Variants in DYSF observed in about 807,000 individuals in gnomAD.
DYSF encodes the protein dystrophy-associated fer-1-like 1.
A neutral mutation model predicts 274.9 loss-of-function variants in DYSF; 212 were observed. The observed-to-expected ratio is 0.77, with a 90% CI of 0.69 to 0.86. The LOEUF is 0.86. Ranked by LOEUF, DYSF falls within the 40% of genes least tolerant of loss-of-function variation. The probability of loss-of-function intolerance (pLI) is 0.00; values close to 1 mark genes in which losing one functional copy is unlikely to be tolerated. For synonymous variants in DYSF, 1,091 were observed against 1,078.7 expected (o/e 1.01, Z -0.22); for missense variants, 2,666 against 2,783.2 (o/e 0.96, Z 0.95).
At chr2:71,473,554 C>T (rs937485133) in intron 1 of DYSF, among the ~76,000 whole-genome samples, 1 of 152,080 alleles carries the variant, frequency 6.6e-6, no homozygotes, top group East Asian at 1.9e-4. Context: ...TCTGAGACAC[C>T]GCAACTCCTC....
chr2:71,517,092 G>A, intron 10 of DYSF, 53 bp downstream of exon 10: 1 of 1,561,110 alleles, frequency 6.4e-7, no homozygotes, highest in Non-Finnish European at 8.8e-7. Flanking sequence ...CCGTGTTGGT[G>A]GAGCCTCTGT....
rs150877497 is a variant in DYSF at position 71,570,680 on chromosome 2, G to A, written c.3167G>A (p.Arg1056Gln). Residue 1056 changes from arginine (R) to glutamine (Q), a missense_variant, in exon 29 of 56, where the codon CGA becomes CAA. By Grantham distance (43) the Arg-to-Gln change is conservative. Coordinates refer to ENST00000410020, the MANE Select transcript of DYSF (RefSeq NM_001130987.2). Reference protein sequence around the residue: ...VPAEKMYYTHRRRRWVRLRRR... With the variant: ...VPAEKMYYTHQRRRWVRLRRR... The stretch of plus-strand genomic sequence containing the variant: ...GCTGAGAAGATGTACTACACACACC[G>A]ACGGCGGCGCTGGGTGCGCCTGCGC... 58 of 1,613,972 alleles carry A rather than the reference G, an allele frequency of 3.6e-5. No individual in the cohort carries two copies. Among genetic ancestry groups the A allele is most frequent in the Non-Finnish European group, 4.3e-5 (51 of 1,179,986 alleles).
At position 71,604,395 on chromosome 2, in the gene DYSF, C is replaced by T. The variant is rs72902652; in HGVS notation, c.3957+1590C>T. On this transcript the variant is annotated intron_variant, in intron 36 of 55. Coordinates refer to ENST00000410020, the MANE Select transcript of DYSF (RefSeq NM_001130987.2). Reference sequence around the variant, plus strand: ...TTCTGTCTTCTTTGCTGTGACCAAGCTCCTGCCTTGTATCTCCCATCTGGC... The same window carrying T: ...TTCTGTCTTCTTTGCTGTGACCAAGTTCCTGCCTTGTATCTCCCATCTGGC... Among the ~76,000 whole-genome samples, 924 of 152,316 alleles carry T rather than the reference C, an allele frequency of 6.1e-3. 16 individuals carry two copies. Among genetic ancestry groups the T allele is most frequent in the African/African-American group, 0.022 (894 of 41,566 alleles).
At chr2:71,571,643 G>C (rs111162094) in intron 29 of DYSF, among the ~76,000 whole-genome samples, 4,905 of 84,184 alleles carry the variant, frequency 0.058, 344 homozygotes, top group Middle Eastern at 0.15. Context: ...AGCACATGCA[G>C]AGATCACACA....
chr2:71,573,946 C>A (rs781556050), intron 29 of DYSF, among the ~76,000 whole-genome samples: 9 of 152,146 alleles, frequency 5.9e-5, no homozygotes, highest in Admixed American at 2.6e-4. Flanking sequence ...CCTCAGCCTC[C>A]CTGGTAGCTG....
intron 22 of DYSF, among the ~76,000 whole-genome samples, chr2:71,559,777 T>TG (rs1178848556): frequency 2.6e-5 from 4 of 152,284 alleles, no homozygotes; most frequent in South Asian, 4.1e-4. Flanking sequence ...GCTGCTCAGG[T>TG]GGGGATCTGT....
At position 71,665,852 on chromosome 2, in the gene DYSF, G is replaced by A. The variant is rs76850178; in HGVS notation, c.5317+548G>A. Among the ~76,000 whole-genome samples the A allele has an allele frequency of 2.2e-4, 34 of 152,162 alleles. No individual in the cohort carries two copies. The East Asian group carries it at 5.0e-3, about 23-fold the overall frequency. ...CCCAGCTCTCCTGGCTGAGAATCCC[G>A]CCACATGCTCTCCGTGTGTCTGAGA... On this transcript the variant is annotated intron_variant, in intron 47 of 55. Transcript: ENST00000410020.
chr2:71,568,596 C>G (rs930111642), intron 26 of DYSF, among the ~76,000 whole-genome samples: 1 of 150,946 alleles, frequency 6.6e-6, no homozygotes, highest in Non-Finnish European at 1.5e-5. Context: ...GAGTCTCACT[C>G]TGTTTGGAGG....
chr2:71,665,369 C>T (rs1558772761), intron 47 of DYSF, 65 bp downstream of exon 47: 2 of 1,605,738 alleles, frequency 1.2e-6, no homozygotes, highest in Non-Finnish European at 8.5e-7. Flanking sequence ...TCTCATCAGA[C>T]CCTCTGCTAC....
rs574883167 is a variant in DYSF at position 71,613,445 on chromosome 2, C to T, written c.4464+35C>T. 3.9e-6 allele frequency: 6 copies of T among 1,555,906 alleles called. No homozygotes were observed. In the African/African-American group the frequency reaches 6.8e-5, roughly 18 times the overall value. On this transcript the variant is annotated intron_variant, in intron 40 of 55. Transcript: ENST00000410020. ...GCATCCTCCAGGGAGGCCTGGGTCA[C>T]CTTTCCCCTCCATTCCTCATCAATT... is the stretch of plus-strand genomic sequence containing the variant.
chr2:71,495,216 C>G (rs1445465011), intron 3 of DYSF, among the ~76,000 whole-genome samples: 3 of 152,182 alleles, frequency 2.0e-5, no homozygotes. Context: ...TACCTACAAC[C>G]GTACCTGACC....
intron 3 of DYSF, among the ~76,000 whole-genome samples, chr2:71,498,330 G>T (rs2084624607): frequency 6.6e-6 from 1 of 152,212 alleles, no homozygotes; most frequent in Non-Finnish European, 1.5e-5. Flanking sequence ...CCACAGGTGG[G>T]CAGGGGGCTA....
At chr2:71,481,782 T>G in intron 2 of DYSF, 97 bp from the exon 3 acceptor site, 2 of 890,072 alleles carry the variant, frequency 2.2e-6, no homozygotes, top group Non-Finnish European at 1.9e-6. Flanking sequence ...CATTCATGAA[T>G]GCCTACTCAG....
chr2:71,648,612 CA>C (rs1478442845), intron 42 of DYSF, among the ~76,000 whole-genome samples: 9 of 152,042 alleles, frequency 5.9e-5, no homozygotes, highest in Non-Finnish European at 1.2e-4. Context: ...GTTGAACATA[CA>C]TATTGAAAAA....
At chr2:71,501,285 A>G (rs981300116) in intron 3 of DYSF, among the ~76,000 whole-genome samples, 14 of 152,126 alleles carry the variant, frequency 9.2e-5, no homozygotes, top group African/African-American at 3.4e-4. Flanking sequence ...CGTATATTAC[A>G]TTTACTGCCT....
intron 39 of DYSF, among the ~76,000 whole-genome samples, chr2:71,613,100 A>T (rs548764293): frequency 6.6e-6 from 1 of 151,986 alleles, no homozygotes; most frequent in Admixed American, 6.5e-5. Context: ...GGGAGGGAGG[A>T]AAGAAATGTG....
intron 40 of DYSF, 142 bp downstream of exon 40, chr2:71,613,552 A>G: frequency 1.3e-6 from 1 of 798,520 alleles, no homozygotes; most frequent in South Asian, 1.5e-5. Context: ...GACACTGTCC[A>G]GTAGAGAGAC....
intron 22 of DYSF, among the ~76,000 whole-genome samples, chr2:71,556,333 C>T (rs2091338552): frequency 6.6e-6 from 1 of 152,240 alleles, no homozygotes; most frequent in South Asian, 2.1e-4. Context: ...AGCATTGTGT[C>T]TCTGATCCCC....
chr2:71,484,845 C>A (rs771264887), intron 3 of DYSF, among the ~76,000 whole-genome samples: 1 of 152,232 alleles, frequency 6.6e-6, no homozygotes, highest in African/African-American at 2.4e-5. Context: ...GAGGGCCACA[C>A]GCAGGCTGTT....
Sources: gnomAD v4.1 joint callset for allele counts (sites outside exome capture counted in the v4.1 genomes callset) on GRCh38, gnomAD v4.1.1 for gene constraint, MANE v1.5 for transcripts, NCBI Gene and HGNC (gene_info 2026-07-23, HGNC 2026-07-21) for gene names.